CREB3L2: variants seen among roughly 807,000 people sequenced by gnomAD.
CREB3L2 encodes the protein cyclic AMP-responsive element-binding protein 3-like protein 2.
Under a neutral mutation model 57.2 loss-of-function variants are expected in CREB3L2, and 23 were observed. The observed-to-expected ratio is 0.40, with a 90% CI of 0.29 to 0.57. The LOEUF (loss-of-function observed/expected upper bound fraction) is 0.57, where lower values mean the gene tolerates loss of function less well. CREB3L2 is among the 20% of genes least tolerant of loss of function. CREB3L2 has a pLI of 0.42. For missense variants in CREB3L2, 628 were observed against 634.7 expected (o/e 0.99, Z 0.11); for synonymous variants, 268 against 265.1 (o/e 1.01, Z -0.11).
intron 1 of CREB3L2, among the ~76,000 whole-genome samples, chr7:137,936,878 T>C (rs974627904): frequency 6.6e-6 from 1 of 152,344 alleles, no homozygotes; most frequent in Admixed American, 6.5e-5. Flanking sequence ...CGAAGGTTTT[T>C]CAACTTGGGA....
intron 1 of CREB3L2, among the ~76,000 whole-genome samples, chr7:137,969,761 A>AACACACACACACACACAC (rs66931280): frequency 0.023 from 2,337 of 103,570 alleles, 88 homozygotes; most frequent in African/African-American, 0.063. Flanking sequence ...AGGGTCATCA[A>AACACACACACACACACAC]ACACACACAC....
chr7:137,991,035 T>C (rs748536666), intron 1 of CREB3L2, among the ~76,000 whole-genome samples: 2 of 152,204 alleles, frequency 1.3e-5, no homozygotes, highest in Non-Finnish European at 2.9e-5. Flanking sequence ...AAACAAAGTT[T>C]TAAGTCAGAA....
intron 1 of CREB3L2, chr7:137,999,845 T>G (rs1563278180): frequency 2.6e-5 from 4 of 152,156 alleles, no homozygotes; most frequent in Non-Finnish European, 5.9e-5. Context: ...TTTTTAAAAA[T>G]AGAAATAAAA....
At chr7:137,889,362 A>G (rs1563240019) in intron 8 of CREB3L2, among the ~76,000 whole-genome samples, 1 of 152,226 alleles carries the variant, frequency 6.6e-6, no homozygotes, top group Non-Finnish European at 1.5e-5. Flanking sequence ...GAGAGCAGAG[A>G]GGGCTGGTGT....
chr7:137,919,234 T>C (rs273953), intron 2 of CREB3L2, among the ~76,000 whole-genome samples: 109,561 of 150,806 alleles, frequency 0.73, 41,186 homozygotes, highest in African/African-American at 0.92. Flanking sequence ...TGCAGTGGTG[T>C]GATCTCGGCT....
At chr7:137,943,505 T>A (rs1039800062) in intron 1 of CREB3L2, among the ~76,000 whole-genome samples, 5 of 152,148 alleles carry the variant, frequency 3.3e-5, no homozygotes, top group Non-Finnish European at 7.3e-5. Flanking sequence ...AGTATCAGAC[T>A]TAAAACTACT....
At chr7:137,969,754 G>C (rs574107475) in intron 1 of CREB3L2, among the ~76,000 whole-genome samples, 4 of 90,128 alleles carry the variant, frequency 4.4e-5, no homozygotes, top group Admixed American at 3.2e-4. Context: ...ACTTTCAAGG[G>C]TCATCAAACA....
At chr7:137,912,325 C>T (rs573365122) in intron 4 of CREB3L2, among the ~76,000 whole-genome samples, 5 of 148,610 alleles carry the variant, frequency 3.4e-5, no homozygotes, top group East Asian at 2.0e-4. Context: ...TGCAGTGAGC[C>T]GAGATGGTGC....
rs533390714 is a variant in CREB3L2, at chr7:138,001,568, T to A, written c.102+36A>T. Reference sequence around the variant, plus strand: ...CCTCGCGTGACAACACTTGCCCGCTTTGAAAGCCCTCCTGCCCCGCCCGCC... The same window carrying A: ...CCTCGCGTGACAACACTTGCCCGCTATGAAAGCCCTCCTGCCCCGCCCGCC... On this transcript the variant is annotated intron_variant, in intron 1 of 11. Coordinates refer to ENST00000330387, the MANE Select transcript of CREB3L2 (RefSeq NM_194071.4). The surrounding 1 kb of genome is among the most constrained non-coding windows in gnomAD (Gnocchi z 4.2). 2.6e-6 allele frequency: 4 copies of A among 1,523,616 alleles called. No individual in the cohort carries two copies. Among genetic ancestry groups the A allele is most frequent in the Non-Finnish European group, 2.7e-6 (3 of 1,110,356 alleles). The allele number at this position is 1,523,616 out of a possible 1,614,324, so 94.4% of individuals were successfully genotyped here.
At chr7:137,973,115 ATATG>A (rs1375716528) in intron 1 of CREB3L2, among the ~76,000 whole-genome samples, 3 of 151,800 alleles carry the variant, frequency 2.0e-5, no homozygotes, top group Non-Finnish European at 2.9e-5. Flanking sequence ...CGGCACATGT[ATATG>A]TAACTAACCT....
At chr7:137,950,311 C>A (rs1801071208) in intron 1 of CREB3L2, among the ~76,000 whole-genome samples, 1 of 152,210 alleles carries the variant, frequency 6.6e-6, no homozygotes, top group Non-Finnish European at 1.5e-5. Flanking sequence ...TCAAGACTCA[C>A]ACCCTGGATT....
At chr7:137,943,499 T>C (rs1448526542) in intron 1 of CREB3L2, among the ~76,000 whole-genome samples, 1 of 152,130 alleles carries the variant, frequency 6.6e-6, no homozygotes, top group African/African-American at 2.4e-5. Flanking sequence ...GAGAGCAGTA[T>C]CAGACTTAAA....
intron 1 of CREB3L2, among the ~76,000 whole-genome samples, chr7:137,987,324 T>A (rs1209734638): frequency 6.6e-6 from 1 of 152,170 alleles, no homozygotes; most frequent in Non-Finnish European, 1.5e-5. Flanking sequence ...GCACCACAGT[T>A]TGACTTTTTA....
At chr7:137,920,386 C>T (rs183429983) in intron 2 of CREB3L2, among the ~76,000 whole-genome samples, 21 of 152,258 alleles carry the variant, frequency 1.4e-4, no homozygotes, top group Admixed American at 9.8e-4. Flanking sequence ...GAACAGTCAC[C>T]TCCAGAGGAG....
intron 1 of CREB3L2, among the ~76,000 whole-genome samples, chr7:137,962,494 C>T (rs1351051508): frequency 6.6e-6 from 1 of 152,070 alleles, no homozygotes; most frequent in Non-Finnish European, 1.5e-5. Context: ...TACAGGCACA[C>T]TTGCCTCTCC....
At chr7:137,913,869 A>G (rs2117216703) in intron 3 of CREB3L2, among the ~76,000 whole-genome samples, 1 of 152,286 alleles carries the variant, frequency 6.6e-6, no homozygotes, top group Admixed American at 6.5e-5. Context: ...CTGAAAGAAA[A>G]TAAGAGACCT....
rs571012631 is a variant in CREB3L2, at chr7:137,881,791, T to G, written c.1487+621A>C. On this transcript the variant is annotated intron_variant, in intron 11 of 11. Coordinates refer to ENST00000330387, the MANE Select transcript of CREB3L2 (RefSeq NM_194071.4). The stretch of plus-strand genomic sequence containing the variant: ...TACCTTGCAGTCGCATAAGCCTTTA[T>G]GTTTACAAAGGGATTTTTCCCAGAA... 6.6e-5 allele frequency among the ~76,000 whole-genome samples: 10 copies of G among 152,308 alleles called. No individual in the cohort carries two copies. The South Asian group carries it at 2.1e-3, about 32-fold the overall frequency.
In CREB3L2 at chr7:137,877,651, T is replaced by G. The variant is rs6958842; in HGVS notation, c.*2825A>C. The stretch of plus-strand genomic sequence containing the variant: ...TTGTTTACATGATGAAAAATATAAT[T>G]AAGAGATTGACTCTTTATGGCTTAT... On this transcript the variant is annotated 3_prime_UTR_variant, in exon 12 of 12. Coordinates refer to ENST00000330387, the MANE Select transcript of CREB3L2 (RefSeq NM_194071.4). 14,478 of 225,790 alleles carry G rather than the reference T, an allele frequency of 0.064. 1,340 individuals are homozygous for G. Among genetic ancestry groups the G allele is most frequent in the African/African-American group, 0.22 (9,922 of 44,934 alleles). The allele number at this position is 225,790 out of a possible 1,614,324, so 14.0% of individuals were successfully genotyped here. A position where few individuals can be genotyped will look rare whatever the true frequency, so the allele number is the denominator to read the frequency against.
chr7:137,971,284 A>T (rs1801501588), intron 1 of CREB3L2, among the ~76,000 whole-genome samples: 2 of 152,246 alleles, frequency 1.3e-5, no homozygotes, highest in African/African-American at 4.8e-5. Context: ...CCCCATCTCT[A>T]CTAAAAATAC....
Sources: gnomAD v4.1 joint callset for allele counts (sites outside exome capture counted in the v4.1 genomes callset) on GRCh38, gnomAD v4.1.1 for gene constraint, Gnocchi (gnomAD v3.1) non-coding constraint, MANE v1.5 for transcripts, NCBI Gene and HGNC (gene_info 2026-07-23, HGNC 2026-07-21) for gene names.